Variants in CCNL2 observed in about 807,000 individuals in gnomAD.
CCNL2 encodes cyclin-L2.
In CCNL2, 28 loss-of-function variants were observed where a neutral mutation model predicts 59.1. The observed-to-expected ratio is 0.47, with a 90% confidence interval of 0.35 to 0.65. CCNL2 has a LOEUF of 0.65. Ranked by LOEUF, CCNL2 falls within the 30% of genes least tolerant of loss-of-function variation. The pLI, the probability that CCNL2 is intolerant of heterozygous loss-of-function variation, is 0.00. For missense variants in CCNL2, 714 were observed against 717.4 expected (o/e 1.00, Z 0.05); for synonymous variants, 342 against 288.6 (o/e 1.19, Z -1.88).
rs992907971 is a variant in CCNL2 at position 1,395,522 on chromosome 1, A to T, written c.474-8T>A. 3.1e-6 allele frequency: 5 copies of T among 1,614,004 alleles called. No individual in the cohort carries two copies. The highest frequency in any genetic ancestry group is 8.5e-7 in the Non-Finnish European group (1 of 1,180,016). The stretch of plus-strand genomic sequence containing the variant: ...AGTAGAGGCACGGGCTTCCTGCCAG[A>T]GAGAGAGCACAGGGTCTGCACCACA... On this transcript the variant is annotated splice_polypyrimidine_tract_variant and splice_region_variant and intron_variant, in intron 3 of 10. Transcript: ENST00000400809.
chr1:1,390,133 ATGTCTG>A, intron 8 of CCNL2, 91 bp downstream of exon 8: 1 of 1,121,442 alleles, frequency 8.9e-7, no homozygotes, highest in Admixed American at 2.5e-5. Context: ...AAAAAAAAAA[ATGTCTG>A]GAAGGAGCAC....
rs745818611 is a variant in CCNL2, at chr1:1,387,463, C to G, written c.1331G>C (p.Arg444Pro). 4 of 1,612,484 alleles carry G rather than the reference C, an allele frequency of 2.5e-6. No individual in the cohort carries two copies. The African/African-American group carries it at 5.4e-5, about 22-fold the overall frequency. ...RSAPYKGSEI[R>P]GSRKSKDCKY... ...GCAGTCCTTGGACTTCCGGGAGCCC[C>G]GAATCTCAGAGCCTTTGTAGGGAGC... Residue 444 changes from arginine to proline, a missense_variant, in exon 11 of 11, where the codon CGG (arginine) becomes CCG (proline). By Grantham distance (103) the Arg-to-Pro change is moderately radical. Around this residue, in one of 5 missense-constraint regions of CCNL2, gnomAD observed 403 missense variants for 377.7 expected, o/e 1.07. Coordinates refer to ENST00000400809, the MANE Select transcript of CCNL2 (RefSeq NM_030937.6).
Position 1,387,227 on chromosome 1 carries a change from C to G in CCNL2, c.*4G>C, listed in dbSNP as rs113811513. 5.0e-6 allele frequency: 8 copies of G among 1,596,088 alleles called. No homozygotes were observed. The highest frequency in any genetic ancestry group is 6.0e-6 in the Non-Finnish European group (7 of 1,173,730). On this transcript the variant is annotated 3_prime_UTR_variant, in exon 11 of 11. Transcript: ENST00000400809. ...TTGCGGCCACCAGTCACTGCAACCC[C>G]GCCTCACCTCCGATGCCTGCTGTGC... is the stretch of plus-strand genomic sequence containing the variant.
intron 2 of CCNL2, 93 bp downstream of exon 2, chr1:1,398,504 C>T: frequency 1.9e-6 from 3 of 1,569,068 alleles, no homozygotes; most frequent in Admixed American, 1.8e-5. Context: ...GACTGGGGGG[C>T]AAGTACTCAC....
chr1:1,392,762 C>T, intron 5 of CCNL2: 1 of 1,610,720 alleles, frequency 6.2e-7, no homozygotes, highest in Non-Finnish European at 8.5e-7. Context: ...AGCGCTTGGA[C>T]AGCAGAGGAG....
chr1:1,398,144 G>C (rs1046745702), intron 3 of CCNL2, 89 bp downstream of exon 3: 17 of 1,268,168 alleles, frequency 1.3e-5, no homozygotes, highest in Admixed American at 1.8e-5. Context: ...CCTCAGGCCT[G>C]TATTGTGTTA....
rs761538965 is a variant in CCNL2, at chr1:1,388,072, T to C, written c.1007-7A>G. 3 of 1,609,558 alleles carry C rather than the reference T, an allele frequency of 1.9e-6. No homozygotes were observed. In the African/African-American group the frequency reaches 4.0e-5, roughly 22 times the overall value. On this transcript the variant is annotated splice_polypyrimidine_tract_variant and splice_region_variant and intron_variant, in intron 8 of 10. Coordinates refer to ENST00000400809, the MANE Select transcript of CCNL2 (RefSeq NM_030937.6). ...CCTTCTTTGGGGGATTCCACTAGAA[T>C]CAGAACAAGAGGTTAAAAGCCAACC... is the stretch of plus-strand genomic sequence containing the variant.
intron 3 of CCNL2, among the ~76,000 whole-genome samples, chr1:1,396,067 T>C (rs1645002496): frequency 6.6e-6 from 1 of 151,096 alleles, no homozygotes; most frequent in African/African-American, 2.4e-5. Context: ...TAATCCCAGC[T>C]ACTCAGGAGG....
intron 3 of CCNL2, among the ~76,000 whole-genome samples, chr1:1,397,968 T>C (rs1055061106): frequency 2.0e-5 from 3 of 152,172 alleles, no homozygotes; most frequent in African/African-American, 2.4e-5. Context: ...AGCAGGGCCG[T>C]GCACTGACAT....
intron 1 of CCNL2, 163 bp from the exon 2 acceptor site, chr1:1,398,834 C>G: frequency 7.7e-7 from 1 of 1,300,594 alleles, no homozygotes; most frequent in Non-Finnish European, 1.0e-6. Flanking sequence ...ATCCAGCGCA[C>G]TGGCGGGCGG....
rs572584113 is a variant in CCNL2, at chr1:1,385,921, G to A, written c.*1310C>T. ...GTCTCCTCAGTTCCCCAATTCTGAG[G>A]GGGGGTCCCACCAGCTATCTAATGC... On this transcript the variant is annotated 3_prime_UTR_variant, in exon 11 of 11. Transcript: ENST00000400809. The A allele has an allele frequency of 6.6e-6, 1 of 151,570 alleles. No homozygotes were observed. The highest frequency in any genetic ancestry group is 2.4e-5 in the African/African-American group (1 of 41,272). The allele number at this position is 151,570 out of a possible 1,614,324, so 9.4% of individuals were successfully genotyped here. A position where few individuals can be genotyped will look rare whatever the true frequency, so the allele number is the denominator to read the frequency against.
At chr1:1,396,998 C>A (rs181309780) in intron 3 of CCNL2, among the ~76,000 whole-genome samples, 3 of 151,702 alleles carry the variant, frequency 2.0e-5, no homozygotes, top group Admixed American at 6.6e-5. Flanking sequence ...CCACCCGCCT[C>A]GGCCTCCCAA....
chr1:1,387,592 A>G lies in CCNL2; in HGVS notation c.1212-10T>C. On this transcript the variant is annotated splice_polypyrimidine_tract_variant and intron_variant, in intron 10 of 10. Coordinates refer to ENST00000400809, the MANE Select transcript of CCNL2 (RefSeq NM_030937.6). ...GCCGCTGTCACTTTTCCTGGGAGGAAGAACAGCACCACCACACGTGTGACC... is the reference window on the plus strand; with the variant it reads ...GCCGCTGTCACTTTTCCTGGGAGGAGGAACAGCACCACCACACGTGTGACC... 4 of 1,476,722 alleles carry G rather than the reference A, an allele frequency of 2.7e-6. No individual in the cohort carries two copies. Among genetic ancestry groups the G allele is most frequent in the Non-Finnish European group, 3.6e-6 (4 of 1,111,394 alleles). The allele number at this position is 1,476,722 out of a possible 1,614,324, so 91.5% of individuals were successfully genotyped here.
Position 1,398,633 on chromosome 1 carries a change from G to C in CCNL2, c.327C>G (p.Phe109Leu). The C allele has an allele frequency of 6.2e-7, 1 of 1,614,030 alleles. No individual in the cohort carries two copies. The highest frequency in any genetic ancestry group is 8.5e-7 in the Non-Finnish European group (1 of 1,180,002). Residue 109 changes from phenylalanine (F) to leucine (L), a missense_variant, in exon 2 of 11, where the codon TTC becomes TTG. By Grantham distance (22) the Phe-to-Leu change is conservative. Around this residue, in one of 5 missense-constraint regions of CCNL2, gnomAD observed 270 missense variants for 254.9 expected, o/e 1.06. Coordinates refer to ENST00000400809, the MANE Select transcript of CCNL2 (RefSeq NM_030937.6). ...MATGQVLFQR[F>L]FYTKSFVKHS... ...GCTTCACGAAGGACTTGGTATAAAA[G>C]AACCGCTGGAACAACACCTGCCCGG...
In CCNL2 at chr1:1,387,100, G is replaced by C. The variant is rs950186048; in HGVS notation, c.*131C>G. 4.5e-6 allele frequency: 3 copies of C among 665,424 alleles called. No individual in the cohort carries two copies. Among genetic ancestry groups the C allele is most frequent in the Non-Finnish European group, 7.5e-6 (3 of 398,222 alleles). 41.2% of individuals were successfully genotyped at this position (665,424 alleles called of 1,614,324 possible). ...TCCAGTCGACAGACATTTCCAAAAAGAATCCTGTTCTAGGACCACTTGCGC... is the reference window on the plus strand; with the variant it reads ...TCCAGTCGACAGACATTTCCAAAAACAATCCTGTTCTAGGACCACTTGCGC... On this transcript the variant is annotated 3_prime_UTR_variant, in exon 11 of 11. Transcript: ENST00000400809.
At chr1:1,396,162 C>T (rs562902120) in intron 3 of CCNL2, among the ~76,000 whole-genome samples, 2 of 124,328 alleles carry the variant, frequency 1.6e-5, no homozygotes, top group East Asian at 2.5e-4. Flanking sequence ...CTGGGTGACA[C>T]GGTGAGACAC....
At position 1,385,830 on chromosome 1, in the gene CCNL2, C is replaced by T. The variant is rs1352734650; in HGVS notation, c.*1401G>A. 4 of 152,162 alleles carry T rather than the reference C, an allele frequency of 2.6e-5. No homozygotes were observed. The highest frequency in any genetic ancestry group is 5.9e-5 in the Non-Finnish European group (4 of 68,024). The allele number at this position is 152,162 out of a possible 1,614,324, so 9.4% of individuals were successfully genotyped here. A position where few individuals can be genotyped will look rare whatever the true frequency, so the allele number is the denominator to read the frequency against. On this transcript the variant is annotated 3_prime_UTR_variant, in exon 11 of 11. Transcript: ENST00000400809. ...GTATGGCCCTTTACTGGTTCTCTTA[C>T]TTCCAGGCACAGGAAGCTAGGGGGC...
At chr1:1,398,730 A>G (rs942328225) in intron 1 of CCNL2, 59 bp from the exon 2 acceptor site, 1 of 1,492,640 alleles carries the variant, frequency 6.7e-7, no homozygotes, top group African/African-American at 1.4e-5. Context: ...TTCGCGGCCG[A>G]AAGTCATCGA....
At chr1:1,396,569 CT>C (rs997798262) in intron 3 of CCNL2, among the ~76,000 whole-genome samples, 1 of 114,280 alleles carries the variant, frequency 8.8e-6, no homozygotes, top group African/African-American at 3.6e-5. Context: ...CTCGGCAAGG[CT>C]GTTTTTTTTT....
Sources: gnomAD v4.1 joint callset for allele counts (sites outside exome capture counted in the v4.1 genomes callset) on GRCh38, gnomAD v4.1.1 for gene constraint, gnomAD v4.1.1 regional missense constraint, MANE v1.5 for transcripts, NCBI Gene and HGNC (gene_info 2026-07-23, HGNC 2026-07-21) for gene names.